The following ANKFN1 variants were observed in gnomAD, a reference collection of about 807,000 sequenced individuals.
The protein encoded by ANKFN1 is ankyrin repeat and fibronectin type-III domain-containing protein 1.
Under a neutral mutation model 108.7 loss-of-function variants are expected in ANKFN1, and 74 were observed. The ratio of observed to expected loss-of-function variants is 0.68; its 90% CI spans 0.56 to 0.83. The LOEUF (loss-of-function observed/expected upper bound fraction) is 0.83. Ranked by LOEUF, ANKFN1 falls within the 40% of genes least tolerant of loss-of-function variation. The pLI is 0.00. For synonymous variants in ANKFN1, 547 were observed against 516.2 expected, an observed-to-expected ratio of 1.06 and a Z score of -0.81; for missense variants, 1,505 against 1,382.3, an observed-to-expected ratio of 1.09 and a Z score of -1.41.
At chr17:56,495,265 T>C (rs576817326) in intron 19 of ANKFN1, among the ~76,000 whole-genome samples, 2 of 152,302 alleles carry the variant, frequency 1.3e-5, no homozygotes, top group East Asian at 3.9e-4. Flanking sequence ...ATAACTTCAC[T>C]GAGTGGAGAC....
chr17:56,263,820 A>G (rs1018074996), intron 3 of ANKFN1, among the ~76,000 whole-genome samples: 2 of 152,288 alleles, frequency 1.3e-5, no homozygotes, highest in Non-Finnish European at 2.9e-5. Context: ...CTCATTTGTC[A>G]TAGTCCCCCT....
intron 8 of ANKFN1, among the ~76,000 whole-genome samples, chr17:56,389,177 G>A (rs1331755729): frequency 1.3e-5 from 2 of 152,162 alleles, no homozygotes; most frequent in Non-Finnish European, 2.9e-5. Context: ...TTAAATTGGT[G>A]AATGGTTAAA....
chr17:56,479,400 A>G (rs1442708190), intron 16 of ANKFN1, among the ~76,000 whole-genome samples: 2 of 152,204 alleles, frequency 1.3e-5, no homozygotes, highest in Non-Finnish European at 2.9e-5. Flanking sequence ...GTTCCATATC[A>G]GTGATGGGAA....
intron 3 of ANKFN1, among the ~76,000 whole-genome samples, chr17:56,288,535 TA>T (rs2044277662): frequency 6.6e-6 from 1 of 152,176 alleles, no homozygotes. Context: ...GATAAAAGTA[TA>T]TGTTGGAGAC....
intron 3 of ANKFN1, among the ~76,000 whole-genome samples, chr17:56,318,790 T>G (rs1180193697): frequency 6.6e-6 from 1 of 152,226 alleles, no homozygotes; most frequent in South Asian, 2.1e-4. Flanking sequence ...GAGTTAGGAC[T>G]ACTCATCCTA....
At chr17:56,170,271 C>T (rs1480775622) in intron 1 of ANKFN1, among the ~76,000 whole-genome samples, 1 of 152,172 alleles carries the variant, frequency 6.6e-6, no homozygotes, top group Non-Finnish European at 1.5e-5. Context: ...CCTGCCCCTT[C>T]AGGGATACCT....
At chr17:56,356,683 A>T (rs1359960405) in intron 6 of ANKFN1, among the ~76,000 whole-genome samples, 1 of 152,158 alleles carries the variant, frequency 6.6e-6, no homozygotes, top group African/African-American at 2.4e-5. Flanking sequence ...ATGAGGATGG[A>T]AGAAATTGAA....
rs553916711 is a variant in ANKFN1, at chr17:56,136,976, C to T, written c.288+90651C>T. ...TCATACATACAAACAGACACCCTTA[C>T]CTGGGATCCATCATACTGCCCACAA... On this transcript the variant is annotated intron_variant, in intron 4 of 12. Transcript: ENST00000635860. Among the ~76,000 whole-genome samples, 3 of 152,250 alleles carry T rather than the reference C, an allele frequency of 2.0e-5. No individual in the cohort carries two copies. In the East Asian group the frequency reaches 5.8e-4, roughly 29 times the overall value.
chr17:56,480,919 GTGTA>G (rs112417906), intron 17 of ANKFN1, 101 bp downstream of exon 17: 92,166 of 979,462 alleles, frequency 0.094, 1,160 homozygotes, highest in African/African-American at 0.2. Context: ...GTGTGTGTGT[GTGTA>G]AATTTTCCTT....
chr17:56,389,538 C>T (rs2047370114), intron 8 of ANKFN1, among the ~76,000 whole-genome samples: 2 of 152,172 alleles, frequency 1.3e-5, no homozygotes, highest in African/African-American at 2.4e-5. Context: ...TTCTAAGTCA[C>T]TTCTCCTTTT....
chr17:56,094,641 C>T (rs1320296561), intron 4 of ANKFN1, among the ~76,000 whole-genome samples: 2 of 146,382 alleles, frequency 1.4e-5, no homozygotes, highest in East Asian at 2.0e-4. Flanking sequence ...GTAGCTGGGA[C>T]TACAGGCGCA....
intron 3 of ANKFN1, among the ~76,000 whole-genome samples, chr17:56,246,944 T>C (rs1918001181): frequency 6.6e-6 from 1 of 152,336 alleles, no homozygotes; most frequent in Non-Finnish European, 1.5e-5. Flanking sequence ...CCCAGAGTTC[T>C]GTTTAATTTT....
rs1411874680 is a variant in ANKFN1 at position 56,499,043 on chromosome 17, C to T, written c.2589C>T (p.Asp863=). ...KINSTSSSHI[D]CLPSPPPSPE... is the part of the protein sequence containing the mutation. Reference sequence around the variant, plus strand: ...ATTCTACATCATCATCACATATAGACTGTCTTCCATCCCCACCCCCATCCC... The same window carrying T: ...ATTCTACATCATCATCACATATAGATTGTCTTCCATCCCCACCCCCATCCC... The change falls in exon 20 of 21, where the codon GAC becomes GAT. Residue 863 remains aspartate (D), a synonymous_variant. Transcript: ENST00000682825. 6.5e-7 allele frequency: 1 copy of T among 1,535,718 alleles called. No individual in the cohort carries two copies. The highest frequency in any genetic ancestry group is 2.0e-5 in the Admixed American group (1 of 50,980).
intron 3 of ANKFN1, among the ~76,000 whole-genome samples, chr17:56,296,840 G>C (rs1232936222): frequency 6.6e-6 from 1 of 152,210 alleles, no homozygotes; most frequent in Non-Finnish European, 1.5e-5. Context: ...TATGGGAAAA[G>C]TAATAGTGCT....
chr17:56,459,922 G>A (rs1333483633), intron 14 of ANKFN1, among the ~76,000 whole-genome samples: 3 of 151,836 alleles, frequency 2.0e-5, no homozygotes, highest in South Asian at 2.1e-4. Flanking sequence ...TTCCTTCCTT[G>A]ACCAGCTTAG....
intron 19 of ANKFN1, among the ~76,000 whole-genome samples, chr17:56,497,524 G>C (rs1230173501): frequency 2.0e-5 from 3 of 152,114 alleles, no homozygotes; most frequent in Non-Finnish European, 2.9e-5. Context: ...TTGTTGGGAG[G>C]ACCAGGTTTG....
intron 1 of ANKFN1, among the ~76,000 whole-genome samples, chr17:56,175,458 T>G (rs1384413055): frequency 1.3e-5 from 2 of 152,224 alleles, no homozygotes; most frequent in Non-Finnish European, 2.9e-5. Flanking sequence ...GATGCCACTG[T>G]ACCTGGTGCT....
rs2051826312 is a variant in ANKFN1, at chr17:56,513,258, C to T, written c.*1989C>T. On this transcript the variant is annotated 3_prime_UTR_variant, in exon 21 of 21. Coordinates refer to ENST00000682825, the MANE Select transcript of ANKFN1 (RefSeq NM_001370326.1). ...TATTTTGTAGATCATCTACCTACTT[C>T]TGATTTCAAATTCAACCTTTACCTA... is the stretch of plus-strand genomic sequence containing the variant. 6.6e-6 allele frequency among the ~76,000 whole-genome samples: 1 copy of T among 152,202 alleles called. No homozygotes were observed.
intron 14 of ANKFN1, among the ~76,000 whole-genome samples, chr17:56,463,050 T>C (rs1474151395): frequency 1.3e-5 from 2 of 152,200 alleles, no homozygotes; most frequent in Non-Finnish European, 2.9e-5. Flanking sequence ...ATTTGCACCT[T>C]GTTTTCTGGG....
Sources: allele counts gnomAD v4.1 joint callset (sites outside exome capture counted in the v4.1 genomes callset), GRCh38; gene constraint gnomAD v4.1.1; transcripts MANE v1.5; gene names NCBI Gene and HGNC (gene_info 2026-07-23, HGNC 2026-07-21).